Variants in TENM3 observed in about 807,000 individuals in gnomAD.
The protein encoded by TENM3 is teneurin-3.
In TENM3, 63 loss-of-function variants were observed where a neutral mutation model predicts 255.1. That is an observed-to-expected ratio of 0.25 (90% CI 0.20 to 0.30). The LOEUF is 0.30. TENM3 is among the 10% of genes least tolerant of loss of function. The probability of loss-of-function intolerance (pLI) is 1.00; values close to 1 mark genes in which losing one functional copy is unlikely to be tolerated. For synonymous variants in TENM3, 1,306 were observed against 1,322.3 expected (o/e 0.99, Z 0.27); for missense variants, 2,929 against 3,461.1 (o/e 0.85, Z 3.86).
At chr4:182,694,069 G>C (rs1474446644) in intron 12 of TENM3, among the ~76,000 whole-genome samples, 1 of 151,878 alleles carries the variant, frequency 6.6e-6, no homozygotes, top group Non-Finnish European at 1.5e-5. Context: ...GTATGTTTGG[G>C]TTAAGGGTTT....
At chr4:181,544,636 G>A in the TENM3 span, among the ~76,000 whole-genome samples, 1 of 151,980 alleles carries the variant, frequency 6.6e-6, no homozygotes, top group African/African-American at 2.4e-5. Context: ...TTAGCAAGAA[G>A]GGAAACCTCC....
rs549011055 is a variant in TENM3, at chr4:182,513,171, T to G, written c.512-87753T>G. Among the ~76,000 whole-genome samples, 20 of 152,268 alleles carry G rather than the reference T, an allele frequency of 1.3e-4. No homozygotes were observed. The East Asian group carries it at 3.9e-3, about 29-fold the overall frequency. On this transcript the variant is annotated intron_variant, in intron 3 of 27. Transcript: ENST00000511685. ...CAGTGTTTAACTACAGTGGAGTAAT[T>G]TGGTAAATTTTCATAAACTTCACTT...
At chr4:181,891,073 A>C in the TENM3 span, among the ~76,000 whole-genome samples, 1 of 152,190 alleles carries the variant, frequency 6.6e-6, no homozygotes, top group Non-Finnish European at 1.5e-5. Context: ...GTGGGTGGTC[A>C]ATACCCTTAT....
At chr4:181,678,134 A>G in the TENM3 span, among the ~76,000 whole-genome samples, 1 of 152,178 alleles carries the variant, frequency 6.6e-6, no homozygotes, top group Non-Finnish European at 1.5e-5. Flanking sequence ...GGTGAACAAG[A>G]GACAAGTTCT....
At chr4:182,744,497 C>A (rs564313096) in intron 19 of TENM3, among the ~76,000 whole-genome samples, 34 of 152,122 alleles carry the variant, frequency 2.2e-4, no homozygotes, top group Non-Finnish European at 3.7e-4. Flanking sequence ...CAGCATGAAA[C>A]CTGAAGCACA....
At chr4:182,015,550 TTTTATTTA>T in the TENM3 span, among the ~76,000 whole-genome samples, 15 of 150,102 alleles carry the variant, frequency 1.0e-4, no homozygotes, top group South Asian at 4.3e-4. Context: ...TGATTTTAAT[TTTTATTTA>T]TTTATTTATT....
At chr4:182,308,037 C>CTAGGTCCAT (rs1428566729) in intron 1 of TENM3, among the ~76,000 whole-genome samples, 1 of 152,208 alleles carries the variant, frequency 6.6e-6, no homozygotes, top group Non-Finnish European at 1.5e-5. Flanking sequence ...TATCTACTGA[C>CTAGGTCCAT]TAGGTCCATT....
intron 3 of TENM3, among the ~76,000 whole-genome samples, chr4:182,486,962 C>T (rs1001749116): frequency 1.4e-4 from 22 of 152,198 alleles, no homozygotes; most frequent in Admixed American, 9.8e-4. Flanking sequence ...CATTGTATTA[C>T]ATGACGAGAC....
At chr4:182,270,616 G>A (rs541892375) in intron 1 of TENM3, among the ~76,000 whole-genome samples, 27 of 152,244 alleles carry the variant, frequency 1.8e-4, no homozygotes, top group African/African-American at 6.0e-4. Flanking sequence ...CAGTCTGTTG[G>A]AGGCTTAGGA....
the TENM3 span, among the ~76,000 whole-genome samples, chr4:181,748,199 T>C: frequency 6.6e-6 from 1 of 152,114 alleles, no homozygotes; most frequent in Admixed American, 6.6e-5. Flanking sequence ...TGAACTGAAT[T>C]ATTATTAAAT....
At chr4:182,762,880 C>G (rs774206617) in intron 22 of TENM3, among the ~76,000 whole-genome samples, 2 of 151,736 alleles carry the variant, frequency 1.3e-5, no homozygotes, top group Admixed American at 6.6e-5. Flanking sequence ...TCCCCTACCC[C>G]ATCATCACCA....
chr4:181,708,774 A>T, the TENM3 span, among the ~76,000 whole-genome samples: 17 of 152,188 alleles, frequency 1.1e-4, no homozygotes, highest in Non-Finnish European at 1.9e-4. Flanking sequence ...AGGTGATTCT[A>T]ATGTGTAGCC....
chr4:181,766,042 A>G, the TENM3 span, among the ~76,000 whole-genome samples: 1 of 152,170 alleles, frequency 6.6e-6, no homozygotes. Context: ...GGGAAACATA[A>G]TTCTGACGGA....
chr4:182,650,889 A>AAAAAATATATATATATAT (rs1281790163), intron 5 of TENM3, among the ~76,000 whole-genome samples: 23 of 29,636 alleles, frequency 7.8e-4, no homozygotes, highest in Non-Finnish European at 9.1e-4. Context: ...AATAAAAAAA[A>AAAAAATATATATATATAT]ATATATATAT....
chr4:182,529,048 G>C (rs1263080434), intron 3 of TENM3, among the ~76,000 whole-genome samples: 1 of 152,198 alleles, frequency 6.6e-6, no homozygotes, highest in East Asian at 1.9e-4. Context: ...AAATTTTTGT[G>C]ATTTCTATGC....
intron 1 of TENM3, among the ~76,000 whole-genome samples, chr4:182,323,241 C>T (rs1412248328): frequency 6.6e-6 from 1 of 151,986 alleles, no homozygotes; most frequent in Non-Finnish European, 1.5e-5. Flanking sequence ...CAAATTAGCC[C>T]CTTGAATTAC....
intron 3 of TENM3, among the ~76,000 whole-genome samples, chr4:182,409,951 G>C (rs77245657): frequency 0.021 from 3,240 of 151,984 alleles, 109 homozygotes; most frequent in African/African-American, 0.073. Flanking sequence ...AGCCTCCAGA[G>C]TAGCTGAGAC....
chr4:182,660,244 G>T, intron 6 of TENM3, among the ~76,000 whole-genome samples: 1 of 152,088 alleles, frequency 6.6e-6, no homozygotes, highest in East Asian at 1.9e-4. Context: ...GCATGTAGTA[G>T]GTGCTCACAA....
the TENM3 span, among the ~76,000 whole-genome samples, chr4:181,498,751 T>C: frequency 6.6e-6 from 1 of 152,110 alleles, no homozygotes; most frequent in African/African-American, 2.4e-5. Flanking sequence ...CGAAAATTCA[T>C]CACCACTGAT....
Sources: allele counts gnomAD v4.1 joint callset (sites outside exome capture counted in the v4.1 genomes callset), GRCh38; gene constraint gnomAD v4.1.1; transcripts MANE v1.5; gene names NCBI Gene and HGNC (gene_info 2026-07-23, HGNC 2026-07-21).